KHDRBS2: variants seen among roughly 807,000 people sequenced by gnomAD.
The protein encoded by KHDRBS2 is KH domain-containing, RNA-binding, signal transduction-associated protein 2.
A neutral mutation model predicts 44.3 loss-of-function variants in KHDRBS2; 26 were observed. The ratio of observed to expected loss-of-function variants is 0.59; its 90% CI spans 0.43 to 0.81. The LOEUF (loss-of-function observed/expected upper bound fraction) is 0.81, where lower values mean the gene tolerates loss of function less well. KHDRBS2 is among the 40% of genes least tolerant of loss of function. The probability of loss-of-function intolerance (pLI) is 0.00; values close to 1 mark genes in which losing one functional copy is unlikely to be tolerated. For synonymous variants in KHDRBS2, 194 were observed against 151.1 expected (o/e 1.28, Z -2.08); for missense variants, 476 against 433.1 (o/e 1.10, Z -0.88).
At chr6:61,743,257 T>G (rs978037392) in intron 6 of KHDRBS2, among the ~76,000 whole-genome samples, 1 of 152,174 alleles carries the variant, frequency 6.6e-6, no homozygotes, top group African/African-American at 2.4e-5. Flanking sequence ...CACAGTTACT[T>G]TGTTAAAAAC....
chr6:61,791,180 T>C (rs1381210940), intron 6 of KHDRBS2, among the ~76,000 whole-genome samples: 2 of 151,462 alleles, frequency 1.3e-5, no homozygotes, highest in African/African-American at 4.8e-5. Context: ...TTGCCATTAT[T>C]TAAATGATCA....
At chr6:61,592,186 ACC>A in the KHDRBS2 span, among the ~76,000 whole-genome samples, 45 of 136,882 alleles carry the variant, frequency 3.3e-4, no homozygotes, top group Non-Finnish European at 6.0e-4. Flanking sequence ...GCAAGATCCC[ACC>A]AAAAAAAAAA....
chr6:61,954,579 CATATTTATGTATAT>C (rs1562510838), intron 4 of KHDRBS2, among the ~76,000 whole-genome samples: 3 of 137,986 alleles, frequency 2.2e-5, no homozygotes, highest in South Asian at 4.4e-4. Context: ...CGTATGTAGA[CATATTTATGTATAT>C]ATACACATAC....
chr6:61,729,657 TAA>T (rs1163223251), intron 7 of KHDRBS2, among the ~76,000 whole-genome samples: 82 of 152,290 alleles, frequency 5.4e-4, no homozygotes, highest in African/African-American at 1.9e-3. Flanking sequence ...TACTAGTATC[TAA>T]TTGTGGTTTT....
the KHDRBS2 span, among the ~76,000 whole-genome samples, chr6:61,661,594 T>C: frequency 1.3e-5 from 2 of 151,920 alleles, no homozygotes; most frequent in African/African-American, 2.4e-5. Flanking sequence ...CAGTGTCCTA[T>C]CTATGATCAG....
At chr6:61,621,968 T>C in the KHDRBS2 span, among the ~76,000 whole-genome samples, 1 of 152,162 alleles carries the variant, frequency 6.6e-6, no homozygotes, top group South Asian at 2.1e-4. Context: ...ACCTCAGTTA[T>C]ACAGCCAGAA....
At chr6:61,672,672 T>C in the KHDRBS2 span, among the ~76,000 whole-genome samples, 8 of 151,974 alleles carry the variant, frequency 5.3e-5, no homozygotes, top group African/African-American at 7.3e-5. Flanking sequence ...TCATGTCCTT[T>C]GCCCACTTTT....
chr6:61,661,350 A>G, the KHDRBS2 span: 1 of 151,940 alleles, frequency 6.6e-6, no homozygotes, highest in South Asian at 2.1e-4. Flanking sequence ...TCGTTTTTCT[A>G]TCATACATCT....
chr6:62,032,594 C>A (rs2127293424), intron 3 of KHDRBS2, among the ~76,000 whole-genome samples: 1 of 150,720 alleles, frequency 6.6e-6, no homozygotes, highest in Middle Eastern at 3.5e-3. Flanking sequence ...TCAAGAGAAC[C>A]CTGACAAATA....
At chr6:61,891,401 T>G (rs955392674) in intron 6 of KHDRBS2, among the ~76,000 whole-genome samples, 8 of 152,304 alleles carry the variant, frequency 5.3e-5, no homozygotes, top group African/African-American at 1.7e-4. Context: ...TCTCTTTTTT[T>G]GTTGTGTCTC....
chr6:61,622,035 C>T, the KHDRBS2 span, among the ~76,000 whole-genome samples: 2 of 152,166 alleles, frequency 1.3e-5, no homozygotes, highest in South Asian at 2.1e-4. Flanking sequence ...TCCCCAGCAA[C>T]GTTTTAATTG....
chr6:61,565,923 C>A, the KHDRBS2 span, among the ~76,000 whole-genome samples: 1 of 151,968 alleles, frequency 6.6e-6, no homozygotes, highest in Admixed American at 6.6e-5. Flanking sequence ...ATGTTTATTG[C>A]AGCACTATAC....
At chr6:61,809,130 C>T (rs1562224428) in intron 6 of KHDRBS2, among the ~76,000 whole-genome samples, 1 of 151,844 alleles carries the variant, frequency 6.6e-6, no homozygotes, top group Non-Finnish European at 1.5e-5. Context: ...CACATCTAAG[C>T]ACTAGCCTCT....
At chr6:61,688,747 G>C (rs1767071546) in intron 8 of KHDRBS2, among the ~76,000 whole-genome samples, 1 of 151,960 alleles carries the variant, frequency 6.6e-6, no homozygotes, top group Non-Finnish European at 1.5e-5. Flanking sequence ...TTATACCACA[G>C]TGTGCCTTTC....
chr6:62,026,233 C>G (rs986279410), intron 3 of KHDRBS2, among the ~76,000 whole-genome samples: 10 of 151,224 alleles, frequency 6.6e-5, no homozygotes, highest in Non-Finnish European at 7.4e-5. Context: ...AACACTTTCC[C>G]CACTTGGCAA....
intron 2 of KHDRBS2, among the ~76,000 whole-genome samples, chr6:62,129,905 A>G (rs2150089023): frequency 6.6e-6 from 1 of 152,286 alleles, no homozygotes; most frequent in African/African-American, 2.4e-5. Flanking sequence ...AATGTTCTAG[A>G]TGTTTAATAT....
chr6:62,203,728 A>G (rs1190266324), intron 1 of KHDRBS2, among the ~76,000 whole-genome samples: 1 of 152,126 alleles, frequency 6.6e-6, no homozygotes, highest in Non-Finnish European at 1.5e-5. Flanking sequence ...ACTGGAGGGA[A>G]TTGGCAAGAT....
At chr6:62,080,409 TAG>T (rs1797169763) in intron 2 of KHDRBS2, among the ~76,000 whole-genome samples, 1 of 152,122 alleles carries the variant, frequency 6.6e-6, no homozygotes, top group Non-Finnish European at 1.5e-5. Context: ...TTTTTTCCAT[TAG>T]AAATGACAAT....
intron 3 of KHDRBS2, among the ~76,000 whole-genome samples, chr6:62,007,679 G>A (rs1361092682): frequency 7.1e-6 from 1 of 140,838 alleles, no homozygotes; most frequent in Non-Finnish European, 1.6e-5. Flanking sequence ...CCTCTTTAGG[G>A]AATATCAACT....
Sources: allele counts gnomAD v4.1 joint callset (sites outside exome capture counted in the v4.1 genomes callset), GRCh38; gene constraint gnomAD v4.1.1; transcripts MANE v1.5; gene names NCBI Gene and HGNC (gene_info 2026-07-23, HGNC 2026-07-21).